MYH9: variants seen among roughly 807,000 people sequenced by gnomAD.
The protein encoded by MYH9 is myosin heavy chain 9.
In MYH9, 29 loss-of-function variants were observed where a neutral mutation model predicts 241.9. The observed-to-expected ratio is 0.12, with a 90% confidence interval of 0.09 to 0.16. The LOEUF (loss-of-function observed/expected upper bound fraction) is 0.16. MYH9 is among the 10% of genes least tolerant of loss of function. The pLI, the probability that MYH9 is intolerant of heterozygous loss-of-function variation, is 1.00. For synonymous variants in MYH9, 1,047 were observed against 1,062.6 expected, an observed-to-expected ratio of 0.99 and a Z score of 0.29; for missense variants, 1,803 against 2,595.5, an observed-to-expected ratio of 0.69 and a Z score of 6.63.
At position 36,281,749 on chromosome 22, in the gene MYH9, C is replaced by T. The variant is rs938045149; in HGVS notation, c.*919G>A. ...AGATTTTTAAACTATACTGAGTCAA[C>T]GGTGCAGGTAAACCACCCTCGGGCC... On this transcript the variant is annotated 3_prime_UTR_variant, in exon 41 of 41. Coordinates refer to ENST00000216181, the MANE Select transcript of MYH9 (RefSeq NM_002473.6). The T allele has an allele frequency of 3.9e-5, 9 of 230,780 alleles. No individual in the cohort carries two copies. The highest frequency in any genetic ancestry group is 8.8e-5 in the African/African-American group (4 of 45,288). 14.3% of individuals were successfully genotyped at this position (230,780 alleles called of 1,614,324 possible). A position where few individuals can be genotyped will look rare whatever the true frequency, so the allele number is the denominator to read the frequency against.
intron 31 of MYH9, 114 bp downstream of exon 31, chr22:36,291,872 G>T: frequency 6.6e-7 from 1 of 1,526,460 alleles, no homozygotes; most frequent in Non-Finnish European, 8.9e-7. Flanking sequence ...GCCCCGCACG[G>T]CCCCTCCCCG....
At chr22:36,372,551 T>C (rs961906773) in intron 1 of MYH9, among the ~76,000 whole-genome samples, 3 of 150,738 alleles carry the variant, frequency 2.0e-5, no homozygotes, top group African/African-American at 7.3e-5. Context: ...AAGGTTTAGA[T>C]TGTGTTTTTG....
intron 31 of MYH9, among the ~76,000 whole-genome samples, chr22:36,291,176 G>A (rs892378001): frequency 5.3e-5 from 8 of 152,138 alleles, no homozygotes; most frequent in African/African-American, 1.9e-4. Flanking sequence ...CGTCTGGGAG[G>A]TGTACCCAAC....
chr22:36,286,782 G>A lies in MYH9; in HGVS notation c.4997C>T (p.Ala1666Val), dbSNP rs1249120328. The change falls in exon 35 of 41, where the codon GCC becomes GTC. Residue 1666 changes from alanine (A) to valine (V), a missense_variant. Physicochemically the swap from Ala to Val is moderately conservative, Grantham distance 64. This residue lies in a region of MYH9 where 876 missense variants were observed against 1,077.8 expected (regional missense o/e 0.81). Transcript: ENST00000216181. ...CTTCTTCTCGTTCTCTTTGGCCTGG[G>A]CCAGGATCTCCTCACGAGAGGCGCG... Reference protein sequence around the residue: ...DTRASREEILAQAKENEKKLK... With the variant: ...DTRASREEILVQAKENEKKLK... 7 of 1,612,748 alleles carry A rather than the reference G, an allele frequency of 4.3e-6. No homozygotes were observed. Among genetic ancestry groups the A allele is most frequent in the African/African-American group, 1.3e-5 (1 of 74,940 alleles).
chr22:36,356,306 C>T (rs1392227280), intron 1 of MYH9, among the ~76,000 whole-genome samples: 3 of 152,060 alleles, frequency 2.0e-5, no homozygotes, highest in Admixed American at 2.0e-4. Context: ...TTGGGCCAGG[C>T]GTGGTGGCTC....
intron 1 of MYH9, among the ~76,000 whole-genome samples, chr22:36,384,644 A>T (rs2018320788): frequency 8.1e-6 from 1 of 123,250 alleles, no homozygotes. Flanking sequence ...ATATATATAT[A>T]TATATATACA....
chr22:36,324,603 C>T lies in MYH9; in HGVS notation c.612+1965G>A, dbSNP rs564154087. Among the ~76,000 whole-genome samples, 9 of 152,366 alleles carry T rather than the reference C, an allele frequency of 5.9e-5. 1 individual carries two copies. In the South Asian group the frequency reaches 8.3e-4, roughly 14 times the overall value. The stretch of plus-strand genomic sequence containing the variant: ...TCTGCTGGTGTTGGGAGGGTCAACT[C>T]GGTCACTGCAAGTGAGAGAGCGCTG... On this transcript the variant is annotated intron_variant, in intron 5 of 40. Coordinates refer to ENST00000216181, the MANE Select transcript of MYH9 (RefSeq NM_002473.6).
Position 36,309,373 on chromosome 22 carries a change from C to A in MYH9, c.1752G>T (p.Trp584Cys). 1 of 1,614,188 alleles carries A rather than the reference C, an allele frequency of 6.2e-7. No individual in the cohort carries two copies. Residue 584 changes from tryptophan to cysteine, a missense_variant, in exon 15 of 41, where the codon TGG becomes TGT. By Grantham distance (215) the Trp-to-Cys change is radical. Coordinates refer to ENST00000216181, the MANE Select transcript of MYH9 (RefSeq NM_002473.6). ...AGKVDYKADE[W>C]LMKNMDPLND... ...TCAGGGGATCCATGTTCTTCATCAG[C>A]CACTCGTCAGCTTTGTAATCCACCT...
intron 1 of MYH9, among the ~76,000 whole-genome samples, chr22:36,387,249 G>C (rs745613430): frequency 3.9e-5 from 6 of 152,220 alleles, no homozygotes; most frequent in Non-Finnish European, 5.9e-5. Flanking sequence ...CCGGGTGCAA[G>C]GTCTGCAGCG....
At chr22:36,338,512 T>G (rs990828368) in intron 3 of MYH9, among the ~76,000 whole-genome samples, 8 of 151,978 alleles carry the variant, frequency 5.3e-5, no homozygotes, top group Non-Finnish European at 1.2e-4. Flanking sequence ...CTATCCCTGG[T>G]CTCCAAAAGA....
chr22:36,311,671 C>T (rs1482894253), intron 14 of MYH9, among the ~76,000 whole-genome samples: 1 of 152,202 alleles, frequency 6.6e-6, no homozygotes, highest in African/African-American at 2.4e-5. Flanking sequence ...AACCAAGGAT[C>T]AGAGAGGTTA....
At chr22:36,360,537 C>A (rs2017921642) in intron 1 of MYH9, among the ~76,000 whole-genome samples, 1 of 151,866 alleles carries the variant, frequency 6.6e-6, no homozygotes, top group Non-Finnish European at 1.5e-5. Flanking sequence ...CACGGTGAAA[C>A]CCCGTCTCTA....
At chr22:36,371,604 C>T (rs1454887077) in intron 1 of MYH9, among the ~76,000 whole-genome samples, 9 of 152,158 alleles carry the variant, frequency 5.9e-5, no homozygotes, top group Admixed American at 5.2e-4. Flanking sequence ...GGCGCCATCT[C>T]GGCTCACTGC....
At position 36,306,672 on chromosome 22, in the gene MYH9, T is replaced by C. The variant is rs115569377; in HGVS notation, c.1844-65A>G. On this transcript the variant is annotated intron_variant, in intron 15 of 40. Transcript: ENST00000216181. The surrounding 1 kb of genome is among the most constrained non-coding windows in gnomAD (Gnocchi z 4.1). ...TGCAGCTGGGTGGTGGGGGAGCACG[T>C]AGGAGAGAGAGACAGGCACACGTCG... 2.0e-3 allele frequency: 2,904 copies of C among 1,486,564 alleles called. 40 individuals carry two copies. In the African/African-American group the frequency reaches 0.027, roughly 14 times the overall value. The allele number at this position is 1,486,564 out of a possible 1,614,324, so 92.1% of individuals were successfully genotyped here. A position where few individuals can be genotyped will look rare whatever the true frequency, so the allele number is the denominator to read the frequency against.
At chr22:36,351,694 A>T (rs949544962) in intron 1 of MYH9, among the ~76,000 whole-genome samples, 2 of 152,042 alleles carry the variant, frequency 1.3e-5, no homozygotes, top group Non-Finnish European at 2.9e-5. Flanking sequence ...AAGACCTTGC[A>T]GCAATCACAG....
Position 36,306,717 on chromosome 22 carries a change from G to C in MYH9, c.1844-110C>G. On this transcript the variant is annotated intron_variant, in intron 15 of 40. Transcript: ENST00000216181. This position sits in a 1 kb window ranked among gnomAD's most constrained non-coding sequence, Gnocchi z 4.1. The stretch of plus-strand genomic sequence containing the variant: ...ACGTCGGACAGGAAAAGAGGAGACA[G>C]AATGAAACAACAGGACCCTTTCCAA... 9.0e-7 allele frequency: 1 copy of C among 1,115,222 alleles called. No individual in the cohort carries two copies. The highest frequency in any genetic ancestry group is 1.3e-5 in the South Asian group (1 of 75,876). The allele number at this position is 1,115,222 out of a possible 1,614,324, so 69.1% of individuals were successfully genotyped here. A position where few individuals can be genotyped will look rare whatever the true frequency, so the allele number is the denominator to read the frequency against.
chr22:36,304,118 A>T lies in MYH9; in HGVS notation c.2267T>A (p.Ile756Asn). ...ACGGAAGAAGACTTTGCTCTGGCCA[A>T]TGCGGTACAGATTGCTGTCGAGCTC... ...ALELDSNLYR[I>N]GQSKVFFRAG... is the part of the protein sequence containing the mutation. The change falls in exon 19 of 41, where the codon ATT (isoleucine) becomes AAT (asparagine). Residue 756 changes from isoleucine to asparagine, a missense_variant. This residue lies in a region of MYH9 where 72 missense variants were observed against 83.3 expected (regional missense o/e 0.86). Transcript: ENST00000216181. 1 of 1,613,704 alleles carries T rather than the reference A, an allele frequency of 6.2e-7. No homozygotes were observed. The highest frequency in any genetic ancestry group is 8.5e-7 in the Non-Finnish European group (1 of 1,180,034).
chr22:36,317,596 T>G (rs887409895), intron 11 of MYH9, among the ~76,000 whole-genome samples: 1 of 152,170 alleles, frequency 6.6e-6, no homozygotes, highest in Non-Finnish European at 1.5e-5. Flanking sequence ...TTCCAAGTAT[T>G]TTTGAGAGAT....
Position 36,293,625 on chromosome 22 carries a change from G to A in MYH9, c.3942+134C>T, listed in dbSNP as rs973908562. On this transcript the variant is annotated intron_variant, in intron 29 of 40. Transcript: ENST00000216181. The surrounding 1 kb of genome is among the most constrained non-coding windows in gnomAD (Gnocchi z 5.1). ...AAGACCTGGAGGGAGCTGGGAGGAC[G>A]CAGAGACCCACCCACAGGATGAAGC... The A allele has an allele frequency of 1.3e-5, 18 of 1,342,898 alleles. No homozygotes were observed. The highest frequency in any genetic ancestry group is 5.7e-5 in the African/African-American group (4 of 69,776). The allele number at this position is 1,342,898 out of a possible 1,614,324, so 83.2% of individuals were successfully genotyped here.
Sources: gnomAD v4.1 joint callset for allele counts (sites outside exome capture counted in the v4.1 genomes callset) on GRCh38, gnomAD v4.1.1 for gene constraint, gnomAD v4.1.1 regional missense constraint, Gnocchi (gnomAD v3.1) non-coding constraint, MANE v1.5 for transcripts, NCBI Gene and HGNC (gene_info 2026-07-23, HGNC 2026-07-21) for gene names.